CPED1: variants seen among roughly 807,000 people sequenced by gnomAD.
The protein encoded by CPED1 is cadherin like and PC-esterase domain containing 1, also known as cadherin-like and PC-esterase domain-containing protein 1.
CPED1 carries 114 observed loss-of-function variants against 128.2 expected under a neutral mutation model. The observed-to-expected ratio is 0.89, with a 90% confidence interval of 0.76 to 1.04. CPED1 has a LOEUF of 1.04. Among genes scored for constraint, CPED1 ranks in the 50% least tolerant of loss-of-function variants. The pLI is 0.00. For missense variants in CPED1, 1,211 were observed against 1,207.1 expected (o/e 1.00, Z -0.05); for synonymous variants, 462 against 426.7 (o/e 1.08, Z -1.02).
At chr7:121,150,366 G>A (rs1206350273) in intron 16 of CPED1, among the ~76,000 whole-genome samples, 1 of 151,928 alleles carries the variant, frequency 6.6e-6, no homozygotes, top group East Asian at 1.9e-4. Flanking sequence ...CCATGTTGCT[G>A]CAAAGGACAT....
intron 16 of CPED1, among the ~76,000 whole-genome samples, chr7:121,150,869 A>G (rs1796142261): frequency 6.6e-6 from 1 of 152,028 alleles, no homozygotes; most frequent in Non-Finnish European, 1.5e-5. Context: ...CCTGGGGTCA[A>G]GCGATTCTCC....
At chr7:121,078,498 G>GAAAAAAAAAAAAAAAA (rs529856618) in intron 5 of CPED1, among the ~76,000 whole-genome samples, 6 of 101,928 alleles carry the variant, frequency 5.9e-5, no homozygotes, top group Non-Finnish European at 9.3e-5. Flanking sequence ...AAGAAAGAAA[G>GAAAAAAAAAAAAAAAA]AAAAAAAAAA....
chr7:121,285,694 T>C (rs367781582), intron 22 of CPED1, among the ~76,000 whole-genome samples: 10 of 152,342 alleles, frequency 6.6e-5, no homozygotes, highest in Admixed American at 3.3e-4. Context: ...CACCTCAGCC[T>C]GGACTTTATT....
rs1290585540 is a variant in CPED1 at position 121,244,440 on chromosome 7, C to T, written c.2310+102C>T. ...TAGACCAATTCCTGCTGTCTCACAG[C>T]AGAGGAAAACTAACTGAATGCAATA... On this transcript the variant is annotated intron_variant, in intron 18 of 22. Coordinates refer to ENST00000310396, the MANE Select transcript of CPED1 (RefSeq NM_024913.5). 2.5e-6 allele frequency: 3 copies of T among 1,217,490 alleles called. No homozygotes were observed. In the African/African-American group the frequency reaches 4.5e-5, roughly 18 times the overall value. 75.4% of individuals were successfully genotyped at this position (1,217,490 alleles called of 1,614,324 possible).
chr7:121,188,837 C>T (rs755264639), intron 16 of CPED1, among the ~76,000 whole-genome samples: 1 of 151,972 alleles, frequency 6.6e-6, no homozygotes, highest in Non-Finnish European at 1.5e-5. Flanking sequence ...TCAGATACGC[C>T]ATTATGTCAT....
chr7:121,169,644 G>C (rs1455858465), intron 16 of CPED1, among the ~76,000 whole-genome samples: 1 of 152,124 alleles, frequency 6.6e-6, no homozygotes, highest in Non-Finnish European at 1.5e-5. Context: ...GTGTATCCCA[G>C]TGCCTGATGT....
At chr7:121,096,132 C>A (rs1794693358) in intron 5 of CPED1, among the ~76,000 whole-genome samples, 1 of 152,046 alleles carries the variant, frequency 6.6e-6, no homozygotes, top group African/African-American at 2.4e-5. Flanking sequence ...TCATTCATCA[C>A]CTCCAAAACC....
intron 18 of CPED1, among the ~76,000 whole-genome samples, chr7:121,259,232 A>C (rs1165111235): frequency 6.6e-6 from 1 of 152,058 alleles, no homozygotes; most frequent in Non-Finnish European, 1.5e-5. Flanking sequence ...TCAAGCTTCT[A>C]GTAATTTTGA....
At chr7:121,031,683 C>T (rs962834735) in intron 3 of CPED1, among the ~76,000 whole-genome samples, 1 of 152,162 alleles carries the variant, frequency 6.6e-6, no homozygotes, top group African/African-American at 2.4e-5. Flanking sequence ...GACATTATCA[C>T]ATGTCTTCAG....
In CPED1 at chr7:121,119,315, C is replaced by T. The variant is rs144165100; in HGVS notation, c.919-5016C>T. Among the ~76,000 whole-genome samples the T allele has an allele frequency of 6.6e-3, 995 of 150,454 alleles. 9 individuals are homozygous for T. The highest frequency in any genetic ancestry group is 0.022 in the African/African-American group (923 of 41,142). ...CAAAATCTTGACTCACTGCAAGCTC[C>T]GCCTCCCGGGTTCAAGTGATTCTCT... On this transcript the variant is annotated intron_variant, in intron 7 of 22. Transcript: ENST00000310396.
At chr7:121,186,829 C>T (rs1797014760) in intron 16 of CPED1, among the ~76,000 whole-genome samples, 1 of 151,970 alleles carries the variant, frequency 6.6e-6, no homozygotes, top group Non-Finnish European at 1.5e-5. Flanking sequence ...AATTCTTGAC[C>T]CAGTTTCTCA....
intron 16 of CPED1, among the ~76,000 whole-genome samples, chr7:121,163,062 G>A (rs1796446309): frequency 6.6e-6 from 1 of 152,154 alleles, no homozygotes; most frequent in African/African-American, 2.4e-5. Context: ...GTCTACCTGA[G>A]GTTTATCTTC....
In CPED1 at chr7:121,266,779, C is replaced by A; in HGVS notation, c.2604C>A (p.His868Gln). 6.2e-7 allele frequency: 1 copy of A among 1,612,484 alleles called. No homozygotes were observed. The highest frequency in any genetic ancestry group is 8.5e-7 in the Non-Finnish European group (1 of 1,178,888). ...VGGVQWLNSNHLQIIHKVLKR... is the reference protein window; with the variant it reads ...VGGVQWLNSNQLQIIHKVLKR... ...GTGTTCAGTGGCTTAATTCCAATCA[C>A]CTGCAAATTATTCACAAAGTTTTGA... The change falls in exon 20 of 23, where the codon CAC (histidine) becomes CAA (glutamine). Residue 868 changes from histidine to glutamine, a missense_variant. His to Gln is a conservative substitution (Grantham distance 24, BLOSUM62 0). Transcript: ENST00000310396.
chr7:121,231,461 A>G (rs1798137832), intron 16 of CPED1, among the ~76,000 whole-genome samples: 1 of 152,120 alleles, frequency 6.6e-6, no homozygotes, highest in Non-Finnish European at 1.5e-5. Context: ...GAAGGTTTGA[A>G]GTAGCCTTTG....
chr7:121,154,571 G>C (rs10270233), intron 16 of CPED1, among the ~76,000 whole-genome samples: 66,487 of 151,280 alleles, frequency 0.44, 15,863 homozygotes, highest in East Asian at 0.84. Flanking sequence ...TTTTGAGACA[G>C]AGTCTCACTC....
chr7:120,994,312 C>T (rs1796357358), intron 2 of CPED1, among the ~76,000 whole-genome samples: 1 of 152,110 alleles, frequency 6.6e-6, no homozygotes, highest in Non-Finnish European at 1.5e-5. Flanking sequence ...TCCTCTCTAC[C>T]CTTTCTCCTC....
At chr7:121,217,148 AAC>A (rs1454777640) in intron 16 of CPED1, among the ~76,000 whole-genome samples, 8 of 151,808 alleles carry the variant, frequency 5.3e-5, no homozygotes, top group Non-Finnish European at 7.4e-5. Flanking sequence ...CTTAGACTCA[AAC>A]TCCTTGGATC....
At chr7:121,221,615 T>C (rs1464142630) in intron 16 of CPED1, among the ~76,000 whole-genome samples, 1 of 152,196 alleles carries the variant, frequency 6.6e-6, no homozygotes, top group African/African-American at 2.4e-5. Context: ...CCACATCCTC[T>C]CCAGCATCTG....
intron 7 of CPED1, among the ~76,000 whole-genome samples, chr7:121,119,223 A>G (rs1310456697): frequency 7.9e-6 from 1 of 126,256 alleles, no homozygotes; most frequent in Admixed American, 9.7e-5. Flanking sequence ...AATATAGGAC[A>G]ATCTAAAAAA....
Sources: gnomAD v4.1 joint callset for allele counts (sites outside exome capture counted in the v4.1 genomes callset) on GRCh38, gnomAD v4.1.1 for gene constraint, MANE v1.5 for transcripts, NCBI Gene and HGNC (gene_info 2026-07-23, HGNC 2026-07-21) for gene names.